Variants in PARD3B observed in about 807,000 individuals in gnomAD.
PARD3B encodes par-3 family cell polarity regulator beta, also known as partitioning defective 3 homolog B.
A neutral mutation model predicts 130.2 loss-of-function variants in PARD3B; 103 were observed. That is an observed-to-expected ratio of 0.79 (90% confidence interval 0.67 to 0.93). The LOEUF (loss-of-function observed/expected upper bound fraction) is 0.93, where lower values mean the gene tolerates loss of function less well. Ranked by LOEUF, PARD3B falls within the 40% of genes least tolerant of loss-of-function variation. The pLI is 0.00. For missense variants in PARD3B, 1,609 were observed against 1,499.2 expected, an observed-to-expected ratio of 1.07 and a Z score of -1.21; for synonymous variants, 583 against 553.2, an observed-to-expected ratio of 1.05 and a Z score of -0.76.
intron 21 of PARD3B, among the ~76,000 whole-genome samples, chr2:205,523,243 T>A (rs5025556): frequency 2.8e-5 from 4 of 144,320 alleles, no homozygotes; most frequent in African/African-American, 7.7e-5. Flanking sequence ...ATATATATAT[T>A]TATATATATA....
At chr2:204,805,486 T>C (rs1010279957) in intron 2 of PARD3B, among the ~76,000 whole-genome samples, 6 of 152,086 alleles carry the variant, frequency 3.9e-5, no homozygotes, top group African/African-American at 1.4e-4. Flanking sequence ...TCACCAAACA[T>C]TTAAGGAAGA....
intron 4 of PARD3B, among the ~76,000 whole-genome samples, chr2:205,054,430 A>ATT (rs1273061019): frequency 1.9e-4 from 7 of 37,704 alleles, no homozygotes; most frequent in East Asian, 2.4e-3. Flanking sequence ...ATATATATAT[A>ATT]TATATATTTT....
chr2:204,640,578 T>C (rs973553277), intron 1 of PARD3B, among the ~76,000 whole-genome samples: 4 of 141,442 alleles, frequency 2.8e-5, no homozygotes, highest in African/African-American at 1.3e-4. Context: ...TAAGTTCTTG[T>C]GGTGACTAGA....
chr2:205,078,381 G>T lies in PARD3B; in HGVS notation c.505-26045G>T, dbSNP rs1701200769. On this transcript the variant is annotated intron_variant, in intron 4 of 22. Transcript: ENST00000406610. This position sits in a 1 kb window ranked among gnomAD's most constrained non-coding sequence, Gnocchi z 4.0. ...ATTAATTGTATGGTTTTCCTTTTAT[G>T]TTTTCAGGTGAGAGTATTTCTTTTC... Among the ~76,000 whole-genome samples the T allele has an allele frequency of 6.6e-6, 1 of 152,094 alleles. No homozygotes were observed. Among genetic ancestry groups the T allele is most frequent in the Non-Finnish European group, 1.5e-5 (1 of 68,002 alleles).
chr2:204,550,129 A>G (rs528238102), intron 1 of PARD3B, among the ~76,000 whole-genome samples: 3 of 152,322 alleles, frequency 2.0e-5, no homozygotes, highest in African/African-American at 7.2e-5. Context: ...CTTCCCTCGG[A>G]TACCAAAATC....
chr2:205,573,764 T>A (rs1306959388), intron 22 of PARD3B, among the ~76,000 whole-genome samples: 1 of 152,194 alleles, frequency 6.6e-6, no homozygotes, highest in Admixed American at 6.5e-5. Context: ...GGAATATCTA[T>A]AGTTAATAAA....
At chr2:204,843,390 TTCTCTCC>T (rs1006249537) in intron 2 of PARD3B, among the ~76,000 whole-genome samples, 8 of 152,030 alleles carry the variant, frequency 5.3e-5, no homozygotes, top group African/African-American at 1.9e-4. Context: ...TTCCTTCCTC[TTCTCTCC>T]TCTCCTCTCC....
At chr2:205,477,906 C>T (rs2106278830) in intron 20 of PARD3B, among the ~76,000 whole-genome samples, 1 of 152,302 alleles carries the variant, frequency 6.6e-6, no homozygotes, top group African/African-American at 2.4e-5. Context: ...CAACACTCTA[C>T]ATGCAGTAGG....
intron 18 of PARD3B, among the ~76,000 whole-genome samples, chr2:205,349,131 A>G (rs757089062): frequency 6.6e-6 from 1 of 152,176 alleles, no homozygotes; most frequent in Non-Finnish European, 1.5e-5. Context: ...GATGTCCTTT[A>G]TTAATAAATG....
chr2:205,358,598 G>A (rs555263963), intron 18 of PARD3B, among the ~76,000 whole-genome samples: 2 of 152,266 alleles, frequency 1.3e-5, no homozygotes, highest in South Asian at 4.1e-4. Flanking sequence ...CTAAACATAC[G>A]CTAACAATTC....
At chr2:205,012,122 GTC>G (rs1185997103) in intron 3 of PARD3B, among the ~76,000 whole-genome samples, 2 of 152,138 alleles carry the variant, frequency 1.3e-5, no homozygotes, top group African/African-American at 4.8e-5. Flanking sequence ...GGTCTCAGCT[GTC>G]TCTCTTCTGG....
intron 21 of PARD3B, among the ~76,000 whole-genome samples, chr2:205,500,786 T>C (rs867218353): frequency 1.1e-4 from 17 of 152,174 alleles, no homozygotes; most frequent in Middle Eastern, 3.2e-3. Context: ...TCAGTAATTG[T>C]TAGTTCTTGT....
chr2:205,159,487 G>A (rs1401195668), intron 11 of PARD3B, among the ~76,000 whole-genome samples: 3 of 152,156 alleles, frequency 2.0e-5, no homozygotes, highest in African/African-American at 7.2e-5. Context: ...TGAGTATAGT[G>A]TACTGGTTAG....
intron 2 of PARD3B, among the ~76,000 whole-genome samples, chr2:204,842,818 C>T (rs2044307334): frequency 6.6e-6 from 1 of 152,118 alleles, no homozygotes; most frequent in South Asian, 2.1e-4. Flanking sequence ...TTCTCTAGAG[C>T]TGAGTCACTG....
At position 205,091,773 on chromosome 2, in the gene PARD3B, A is replaced by T. The variant is rs1428853512; in HGVS notation, c.505-12653A>T. On this transcript the variant is annotated intron_variant, in intron 4 of 22. Transcript: ENST00000406610. The surrounding 1 kb of genome is among the most constrained non-coding windows in gnomAD (Gnocchi z 4.2). The stretch of plus-strand genomic sequence containing the variant: ...TGCAAAGGGGAACAGTAGACGGGCC[A>T]TTCATTAGTATCTTCTCTCCAGCTT... Among the ~76,000 whole-genome samples the T allele has an allele frequency of 6.6e-6, 1 of 152,066 alleles. No individual in the cohort carries two copies. The highest frequency in any genetic ancestry group is 2.4e-5 in the African/African-American group (1 of 41,388).
At chr2:205,017,437 G>A (rs966301759) in intron 3 of PARD3B, among the ~76,000 whole-genome samples, 1 of 152,104 alleles carries the variant, frequency 6.6e-6, no homozygotes, top group African/African-American at 2.4e-5. Flanking sequence ...GGACATGATG[G>A]CAGATGGCAA....
chr2:205,019,725 A>G (rs1696452673), intron 3 of PARD3B, among the ~76,000 whole-genome samples: 1 of 152,142 alleles, frequency 6.6e-6, no homozygotes, highest in Non-Finnish European at 1.5e-5. Context: ...ATTTCTCTGA[A>G]GGTAGAATGG....
At chr2:204,648,305 A>G (rs1475408504) in intron 1 of PARD3B, among the ~76,000 whole-genome samples, 7 of 151,170 alleles carry the variant, frequency 4.6e-5, no homozygotes, top group Non-Finnish European at 1.0e-4. Flanking sequence ...ATAAATTTTA[A>G]TACCTTTTGA....
chr2:205,574,470 G>A (rs544742529), intron 22 of PARD3B, among the ~76,000 whole-genome samples: 32 of 152,268 alleles, frequency 2.1e-4, no homozygotes, highest in African/African-American at 6.7e-4. Flanking sequence ...GCAGCTGGAC[G>A]TGTTTGTTAA....
Sources: gnomAD v4.1 joint callset for allele counts (sites outside exome capture counted in the v4.1 genomes callset) on GRCh38, gnomAD v4.1.1 for gene constraint, Gnocchi (gnomAD v3.1) non-coding constraint, MANE v1.5 for transcripts, NCBI Gene and HGNC (gene_info 2026-07-23, HGNC 2026-07-21) for gene names.